SLC39A11: variants seen among roughly 807,000 people sequenced by gnomAD.
SLC39A11 encodes the protein zinc transporter ZIP11.
A neutral mutation model predicts 36.1 loss-of-function variants in SLC39A11; 33 were observed. The ratio of observed to expected loss-of-function variants is 0.91; its 90% CI spans 0.69 to 1.22. The LOEUF is 1.22. Among genes scored for constraint, SLC39A11 ranks in the 50% most tolerant of loss-of-function variants. SLC39A11 has a pLI of 0.00. For missense variants in SLC39A11, 432 were observed against 430.3 expected, an observed-to-expected ratio of 1.00 and a Z score of -0.03; for synonymous variants, 166 against 170.3, an observed-to-expected ratio of 0.97 and a Z score of 0.20.
intron 5 of SLC39A11, among the ~76,000 whole-genome samples, chr17:72,902,422 AG>A (rs1285539759): frequency 7.2e-6 from 1 of 139,338 alleles, no homozygotes; most frequent in Non-Finnish European, 1.5e-5. Context: ...GAGGCAAGTA[AG>A]GATTCTCTCC....
intron 7 of SLC39A11, among the ~76,000 whole-genome samples, chr17:72,689,846 T>A (rs371444692): frequency 6.6e-6 from 1 of 152,240 alleles, no homozygotes; most frequent in East Asian, 1.9e-4. Flanking sequence ...TTTGGGGTGA[T>A]GAAAACATTT....
At chr17:72,721,074 T>A (rs1281266117) in intron 7 of SLC39A11, among the ~76,000 whole-genome samples, 1 of 146,798 alleles carries the variant, frequency 6.8e-6, no homozygotes, top group Non-Finnish European at 1.5e-5. Flanking sequence ...CAGACTTGAC[T>A]GCTGTCCCTC....
intron 3 of SLC39A11, among the ~76,000 whole-genome samples, chr17:73,051,874 A>T (rs574265584): frequency 2.7e-5 from 4 of 148,384 alleles, no homozygotes; most frequent in Non-Finnish European, 5.9e-5. Flanking sequence ...AAAAAGCAAA[A>T]AGTTTGTTGG....
chr17:72,794,090 G>T (rs571771376), intron 6 of SLC39A11, among the ~76,000 whole-genome samples: 23 of 152,282 alleles, frequency 1.5e-4, no homozygotes, highest in Non-Finnish European at 3.1e-4. Context: ...ATTCTCCTGA[G>T]AGAAGCTTTA....
At chr17:72,957,599 G>A (rs1354314189) in intron 4 of SLC39A11, among the ~76,000 whole-genome samples, 8 of 152,150 alleles carry the variant, frequency 5.3e-5, no homozygotes, top group Non-Finnish European at 1.2e-4. Flanking sequence ...CAGATGGATC[G>A]CCTCAGGTCA....
At chr17:72,988,203 A>G (rs1387394261) in intron 4 of SLC39A11, among the ~76,000 whole-genome samples, 2 of 152,242 alleles carry the variant, frequency 1.3e-5, no homozygotes, top group African/African-American at 4.8e-5. Flanking sequence ...CTGTAATCCC[A>G]ACACTTTGGG....
chr17:72,742,093 C>T (rs2074732446), intron 6 of SLC39A11, among the ~76,000 whole-genome samples: 1 of 152,046 alleles, frequency 6.6e-6, no homozygotes, highest in African/African-American at 2.4e-5. Flanking sequence ...ATCCCAGCTA[C>T]TAGGGAGGCT....
At chr17:73,035,133 TTTTTTG>T (rs202063562) in intron 3 of SLC39A11, among the ~76,000 whole-genome samples, 4,902 of 152,108 alleles carry the variant, frequency 0.032, 244 homozygotes, top group African/African-American at 0.11. Flanking sequence ...ATTCTTTTTG[TTTTTTG>T]TTTTTGTTTT....
chr17:72,787,466 C>A (rs905799665), intron 6 of SLC39A11, among the ~76,000 whole-genome samples: 3 of 151,720 alleles, frequency 2.0e-5, no homozygotes, highest in South Asian at 4.2e-4. Context: ...ACCGTGTTAG[C>A]CAAGATTGTC....
In SLC39A11 at chr17:73,047,966, C is replaced by CAAAAAAAAAAAAAAAAAA. The variant is rs1165334910; in HGVS notation, c.148-16270_148-16253dup. Among the ~76,000 whole-genome samples, 2 of 20,492 alleles carry CAAAAAAAAAAAAAAAAAA rather than the reference C, an allele frequency of 9.8e-5. 1 individual carries two copies. The highest frequency in any genetic ancestry group is 1.7e-4 in the Non-Finnish European group (2 of 11,666). 13.4% of individuals were successfully genotyped at this position (20,492 alleles called of 152,430 possible). On this transcript the variant is annotated intron_variant, in intron 3 of 9. Coordinates refer to ENST00000255559, the MANE Select transcript of SLC39A11 (RefSeq NM_139177.4). The stretch of plus-strand genomic sequence containing the variant: ...CTGGCGACAGAGCAAGACTCCATCT[C>CAAAAAAAAAAAAAAAAAA]AAAAAAAAAAAAAAAAAAAAAAAAA...
chr17:73,091,007 T>C (rs1332658130), intron 1 of SLC39A11, among the ~76,000 whole-genome samples: 2 of 152,164 alleles, frequency 1.3e-5, no homozygotes, highest in African/African-American at 2.4e-5. Context: ...CTGGTCCGGC[T>C]TGGGAGCTAG....
intron 5 of SLC39A11, among the ~76,000 whole-genome samples, chr17:72,881,841 G>A (rs1406514831): frequency 6.6e-6 from 1 of 152,202 alleles, no homozygotes; most frequent in Non-Finnish European, 1.5e-5. Context: ...CTCACAGGCT[G>A]CAGAATTTCT....
At chr17:72,736,945 T>C (rs2074456920) in intron 6 of SLC39A11, among the ~76,000 whole-genome samples, 1 of 152,110 alleles carries the variant, frequency 6.6e-6, no homozygotes, top group African/African-American at 2.4e-5. Flanking sequence ...TTTTAAGTAA[T>C]TGAAAAAACA....
chr17:72,662,458 AAAGG>A (rs1182051302), intron 7 of SLC39A11, among the ~76,000 whole-genome samples: 1 of 150,098 alleles, frequency 6.7e-6, no homozygotes, highest in Non-Finnish European at 1.5e-5. Flanking sequence ...AAAAAAAGAA[AAAGG>A]AAGGAAAGGA....
intron 6 of SLC39A11, among the ~76,000 whole-genome samples, chr17:72,825,749 G>C (rs886985437): frequency 5.9e-5 from 9 of 152,214 alleles, no homozygotes; most frequent in African/African-American, 2.2e-4. Flanking sequence ...GATTATTTTG[G>C]AGCTTTAAGA....
intron 3 of SLC39A11, among the ~76,000 whole-genome samples, chr17:73,069,124 C>A (rs1194777718): frequency 6.6e-6 from 1 of 152,164 alleles, no homozygotes; most frequent in Non-Finnish European, 1.5e-5. Flanking sequence ...CCTTCCCCTA[C>A]CCCGTCTTCC....
At chr17:72,706,371 T>C (rs1470974056) in intron 7 of SLC39A11, among the ~76,000 whole-genome samples, 1 of 152,170 alleles carries the variant, frequency 6.6e-6, no homozygotes, top group Non-Finnish European at 1.5e-5. Flanking sequence ...CTTCTTTAGT[T>C]CTCTCCAGGA....
chr17:73,032,270 A>C (rs2058761616), intron 3 of SLC39A11, among the ~76,000 whole-genome samples: 1 of 151,294 alleles, frequency 6.6e-6, no homozygotes, highest in Admixed American at 6.6e-5. Context: ...GCAGTGGCAC[A>C]ATCTTGGCTC....
At position 72,703,497 on chromosome 17, in the gene SLC39A11, C is replaced by T. The variant is rs572626441; in HGVS notation, c.671+33153G>A. Among the ~76,000 whole-genome samples, 18 of 150,870 alleles carry T rather than the reference C, an allele frequency of 1.2e-4. No homozygotes were observed. In the East Asian group the frequency reaches 3.3e-3, roughly 28 times the overall value. On this transcript the variant is annotated intron_variant, in intron 7 of 9. Coordinates refer to ENST00000255559, the MANE Select transcript of SLC39A11 (RefSeq NM_139177.4). ...AAAGGTAACATGGGGGGTTGGGGGG[C>T]GATACCCCACAGGGTTCCAAGCATG... is the stretch of plus-strand genomic sequence containing the variant.
Sources: allele counts gnomAD v4.1 joint callset (sites outside exome capture counted in the v4.1 genomes callset), GRCh38; gene constraint gnomAD v4.1.1; transcripts MANE v1.5; gene names NCBI Gene and HGNC (gene_info 2026-07-23, HGNC 2026-07-21).